The following TAF3 variants were observed in gnomAD, a reference collection of about 807,000 sequenced individuals.
TAF3 encodes TATA-box binding protein associated factor 3.
TAF3 carries 7 observed loss-of-function variants against 80.6 expected under a neutral mutation model. That is an observed-to-expected ratio of 0.09 (90% confidence interval 0.05 to 0.16). The LOEUF is 0.16. Among genes scored for constraint, TAF3 ranks in the 10% least tolerant of loss-of-function variants. TAF3 has a pLI of 1.00. For synonymous variants in TAF3, 444 were observed against 446.1 expected (o/e 1.00, Z 0.06); for missense variants, 921 against 1,140.2 (o/e 0.81, Z 2.77).
chr10:7,932,893 T>C (rs1837881946), intron 2 of TAF3, among the ~76,000 whole-genome samples: 1 of 152,056 alleles, frequency 6.6e-6, no homozygotes, highest in Admixed American at 6.6e-5. Context: ...TTGCCCAGCC[T>C]GGTCTTGAAC....
intron 2 of TAF3, among the ~76,000 whole-genome samples, chr10:7,934,575 G>T (rs566635673): frequency 1.3e-4 from 20 of 152,214 alleles, no homozygotes; most frequent in African/African-American, 4.8e-4. Flanking sequence ...CTCCCAAGTA[G>T]CTGGGATTAC....
chr10:8,009,266 C>T lies in TAF3; in HGVS notation c.2504C>T (p.Ala835Val). Residue 835 changes from alanine to valine, a missense_variant, in exon 5 of 7, where the codon GCC becomes GTC. This residue lies in a region of TAF3 where 743 missense variants were observed against 821.0 expected (regional missense o/e 0.90). Transcript: ENST00000344293. This position sits in a 1 kb window ranked among gnomAD's most constrained non-coding sequence, Gnocchi z 4.1. The stretch of plus-strand genomic sequence containing the variant: ...CTGCTGCCCTCCCCGGGTCCCGCCG[C>T]CTCCGGGGCCAGTGCCAAAGCCCCC... ...PALLPSPGPA[A>V]SGASAKAPVR... The T allele has an allele frequency of 6.4e-7, 1 of 1,564,030 alleles. No homozygotes were observed. The highest frequency in any genetic ancestry group is 8.6e-7 in the Non-Finnish European group (1 of 1,158,458).
chr10:8,003,299 T>C (rs1447889622), intron 4 of TAF3, among the ~76,000 whole-genome samples: 3 of 152,138 alleles, frequency 2.0e-5, no homozygotes, highest in African/African-American at 4.8e-5. Context: ...TTTTGTGTGG[T>C]TACCCTAGAA....
At chr10:7,889,429 T>A (rs1158005215) in intron 2 of TAF3, among the ~76,000 whole-genome samples, 1 of 152,222 alleles carries the variant, frequency 6.6e-6, no homozygotes, top group Non-Finnish European at 1.5e-5. Flanking sequence ...ACTATTCACA[T>A]CTGTCTGTTA....
intron 2 of TAF3, among the ~76,000 whole-genome samples, chr10:7,840,727 C>CTTACTTTGTCTTGCT (rs1836904160): frequency 6.6e-6 from 1 of 152,106 alleles, no homozygotes; most frequent in African/African-American, 2.4e-5. Flanking sequence ...TAAGTTAGGA[C>CTTACTTTGTCTTGCT]TTACTTTGTC....
intron 2 of TAF3, among the ~76,000 whole-genome samples, chr10:7,942,304 A>G (rs555995644): frequency 3.9e-5 from 6 of 152,240 alleles, no homozygotes. Context: ...TACTTAGGGT[A>G]AATATTTTAT....
At chr10:7,934,313 T>C (rs1424810306) in intron 2 of TAF3, among the ~76,000 whole-genome samples, 19 of 152,240 alleles carry the variant, frequency 1.2e-4, no homozygotes, top group Admixed American at 1.2e-3. Flanking sequence ...CAGGAGTTTT[T>C]TCGTTAATGG....
chr10:7,989,562 T>A (rs990422776), intron 4 of TAF3, among the ~76,000 whole-genome samples: 7 of 152,268 alleles, frequency 4.6e-5, no homozygotes, highest in African/African-American at 9.6e-5. Context: ...AAATGTAATA[T>A]TGTTTTTGCA....
intron 2 of TAF3, among the ~76,000 whole-genome samples, chr10:7,952,206 G>C (rs1838088914): frequency 6.6e-6 from 1 of 152,070 alleles, no homozygotes; most frequent in African/African-American, 2.4e-5. Context: ...AAAGGAAGAT[G>C]ATTAAAATAT....
At chr10:7,973,492 G>A (rs959000757) in intron 3 of TAF3, among the ~76,000 whole-genome samples, 13 of 152,078 alleles carry the variant, frequency 8.5e-5, no homozygotes, top group Admixed American at 2.0e-4. Flanking sequence ...ACTGCATTCC[G>A]TCTCAGTTTT....
chr10:7,928,872 T>C (rs1336392522), intron 2 of TAF3, among the ~76,000 whole-genome samples: 2 of 152,220 alleles, frequency 1.3e-5, no homozygotes, highest in Non-Finnish European at 2.9e-5. Flanking sequence ...AGGCATATTA[T>C]AAAGTAGGTT....
intron 1 of TAF3, 77 bp downstream of exon 1, chr10:7,818,952 G>A: frequency 1.5e-6 from 2 of 1,304,596 alleles, no homozygotes; most frequent in Non-Finnish European, 2.0e-6. Context: ...GTCCCTCCGC[G>A]TCCCCGGGGT....
Position 7,965,716 on chromosome 10 carries a change from GAGA to G in TAF3, c.2209_2211del (p.Lys737del), listed in dbSNP as rs1831565226. The G allele has an allele frequency of 3.9e-6, 6 of 1,549,400 alleles. No individual in the cohort carries two copies. The highest frequency in any genetic ancestry group is 1.7e-4 in the Middle Eastern group (1 of 5,740). On this transcript the variant is annotated inframe_deletion, in exon 3 of 7. Transcript: ENST00000344293. ...GAGAGAGCGAGAGAAGAGAGAAAAAGAGAAGGAGAAACACAAGCATGAAAAAGT... is the reference window on the plus strand; with the variant it reads ...GAGAGAGCGAGAGAAGAGAGAAAAAGAGGAGAAACACAAGCATGAAAAAGT...
chr10:7,998,217 C>G (rs1831907220), intron 4 of TAF3, among the ~76,000 whole-genome samples: 1 of 142,882 alleles, frequency 7.0e-6, no homozygotes, highest in African/African-American at 2.6e-5. Context: ...TTTTCTTTTA[C>G]TACTCAGAAA....
At chr10:7,946,584 G>A (rs548304810) in intron 2 of TAF3, among the ~76,000 whole-genome samples, 3 of 152,170 alleles carry the variant, frequency 2.0e-5, no homozygotes, top group Non-Finnish European at 4.4e-5. Flanking sequence ...TTATCCAGGC[G>A]TAGTAGCACA....
At chr10:7,892,252 T>C (rs1482218492) in intron 2 of TAF3, among the ~76,000 whole-genome samples, 1 of 152,198 alleles carries the variant, frequency 6.6e-6, no homozygotes, top group African/African-American at 2.4e-5. Flanking sequence ...TTGAACTAAC[T>C]GAAAAGATCA....
intron 2 of TAF3, among the ~76,000 whole-genome samples, chr10:7,838,890 T>G (rs939139051): frequency 6.8e-6 from 1 of 146,714 alleles, no homozygotes; most frequent in African/African-American, 2.5e-5. Context: ...CTAGGGAAGT[T>G]GTCTGGAGGC....
chr10:7,930,410 A>C (rs10905257), intron 2 of TAF3, among the ~76,000 whole-genome samples: 83,675 of 152,006 alleles, frequency 0.55, 24,562 homozygotes, highest in East Asian at 0.72. Context: ...ATAGACTCGT[A>C]CAGCCCTATT....
chr10:7,833,572 C>A, intron 2 of TAF3: 1 of 156,820 alleles, frequency 6.4e-6, no homozygotes. Flanking sequence ...TTTGGGGACC[C>A]AGCAATACTG....
Sources: allele counts gnomAD v4.1 joint callset (sites outside exome capture counted in the v4.1 genomes callset), GRCh38; gene constraint gnomAD v4.1.1; regional missense constraint gnomAD v4.1.1; non-coding constraint Gnocchi (gnomAD v3.1); transcripts MANE v1.5; gene names NCBI Gene and HGNC (gene_info 2026-07-23, HGNC 2026-07-21).